Variants in STEAP1B observed in about 807,000 individuals in gnomAD.
STEAP1B encodes the protein STEAP family member 1B.
A neutral mutation model predicts 27.9 loss-of-function variants in STEAP1B; 13 were observed. The ratio of observed to expected loss-of-function variants is 0.47; its 90% CI spans 0.30 to 0.74. The LOEUF (loss-of-function observed/expected upper bound fraction) is 0.74, where lower values mean the gene tolerates loss of function less well. STEAP1B is among the 30% of genes least tolerant of loss of function. The pLI is 0.06. For missense variants in STEAP1B, 250 were observed against 298.7 expected (o/e 0.84, Z 1.20); for synonymous variants, 86 against 107.1 (o/e 0.80, Z 1.22).
chr7:22,483,388 T>A (rs987335438), intron 4 of STEAP1B, among the ~76,000 whole-genome samples: 8 of 152,218 alleles, frequency 5.3e-5, no homozygotes, highest in African/African-American at 1.9e-4. Flanking sequence ...AACGTGGAAG[T>A]TGCCTATGGG....
intron 4 of STEAP1B, among the ~76,000 whole-genome samples, chr7:22,421,224 T>C (rs889969316): frequency 6.6e-6 from 1 of 152,220 alleles, no homozygotes; most frequent in Non-Finnish European, 1.5e-5. Flanking sequence ...AGAACATTTA[T>C]TGTGCTTTTA....
intron 4 of STEAP1B, among the ~76,000 whole-genome samples, chr7:22,420,579 A>T (rs937783421): frequency 2.0e-5 from 3 of 152,236 alleles, no homozygotes; most frequent in Non-Finnish European, 4.4e-5. Flanking sequence ...AGAGCTGGTT[A>T]TTAAAACTTT....
In STEAP1B at chr7:22,459,031, A is replaced by T. The variant is rs1270377614; in HGVS notation, c.762+33534T>A. On this transcript the variant is annotated intron_variant, in intron 4 of 4. Transcript: ENST00000678116. ...AAATAGAACAAAAATAATAAAGAAG[A>T]GAAAACCTCCAGCAATTGACTTTGG... 2.6e-5 allele frequency among the ~76,000 whole-genome samples: 4 copies of T among 152,216 alleles called. No individual in the cohort carries two copies. The East Asian group carries it at 7.7e-4, about 29-fold the overall frequency.
In STEAP1B at chr7:22,479,034, T is replaced by C. The variant is rs377131284; in HGVS notation, c.762+13531A>G. Among the ~76,000 whole-genome samples the C allele has an allele frequency of 9.2e-5, 14 of 152,258 alleles. No homozygotes were observed. In the East Asian group the frequency reaches 2.1e-3, roughly 23 times the overall value. ...GAGGAGAAGGGCCGAGTGGGGTACCTAGGAGGCTGCCTGCCAAAGCACCCG... is the reference window on the plus strand; with the variant it reads ...GAGGAGAAGGGCCGAGTGGGGTACCCAGGAGGCTGCCTGCCAAAGCACCCG... On this transcript the variant is annotated intron_variant, in intron 4 of 4. Transcript: ENST00000678116.
intron 4 of STEAP1B, among the ~76,000 whole-genome samples, chr7:22,420,490 G>A (rs541384362): frequency 6.6e-6 from 1 of 152,326 alleles, no homozygotes; most frequent in South Asian, 2.1e-4. Flanking sequence ...AGTCACAGGG[G>A]TGGCTTGAAG....
chr7:22,459,560 C>T (rs368226981), intron 4 of STEAP1B, among the ~76,000 whole-genome samples: 6 of 152,184 alleles, frequency 3.9e-5, no homozygotes, highest in Non-Finnish European at 7.3e-5. Context: ...CAACAAAATA[C>T]GGCAAAAGTT....
intron 4 of STEAP1B, among the ~76,000 whole-genome samples, chr7:22,434,985 C>G (rs1160471283): frequency 6.6e-6 from 1 of 152,002 alleles, no homozygotes; most frequent in African/African-American, 2.4e-5. Context: ...CACATGTGGC[C>G]AGAAGTACTT....
chr7:22,440,818 T>C (rs1161015616), intron 4 of STEAP1B, among the ~76,000 whole-genome samples: 1 of 151,946 alleles, frequency 6.6e-6, no homozygotes, highest in Non-Finnish European at 1.5e-5. Flanking sequence ...ACATACTGCA[T>C]TACAGGTAGA....
At chr7:22,485,439 T>G (rs1313713299) in intron 4 of STEAP1B, among the ~76,000 whole-genome samples, 1 of 152,234 alleles carries the variant, frequency 6.6e-6, no homozygotes, top group Non-Finnish European at 1.5e-5. Flanking sequence ...ATGTACATTT[T>G]TTAGACATGA....
At chr7:22,465,694 A>G (rs1347246528) in intron 4 of STEAP1B, among the ~76,000 whole-genome samples, 1 of 152,206 alleles carries the variant, frequency 6.6e-6, no homozygotes, top group African/African-American at 2.4e-5. Context: ...GAGGAGATCC[A>G]GAGCCAGCAA....
chr7:22,464,015 A>T (rs1157822601), intron 4 of STEAP1B, among the ~76,000 whole-genome samples: 2 of 152,106 alleles, frequency 1.3e-5, no homozygotes, highest in Non-Finnish European at 2.9e-5. Context: ...CAGAGTGAAC[A>T]GGCAACCTAC....
intron 4 of STEAP1B, among the ~76,000 whole-genome samples, chr7:22,466,405 T>C (rs1785784492): frequency 1.6e-5 from 2 of 122,796 alleles, no homozygotes; most frequent in African/African-American, 6.2e-5. Flanking sequence ...CCACAGTATC[T>C]ACTGTTTTCT....
chr7:22,483,431 G>A (rs1271648801), intron 4 of STEAP1B, among the ~76,000 whole-genome samples: 1 of 152,180 alleles, frequency 6.6e-6, no homozygotes, highest in Admixed American at 6.5e-5. Flanking sequence ...TGGCCTTTCT[G>A]TCCCCAACAC....
chr7:22,454,336 A>T (rs550203110), intron 4 of STEAP1B, among the ~76,000 whole-genome samples: 2 of 152,258 alleles, frequency 1.3e-5, no homozygotes, highest in South Asian at 4.2e-4. Flanking sequence ...TGGAGAGTGC[A>T]TAGCCATTGT....
At chr7:22,468,485 C>A (rs543779113) in intron 4 of STEAP1B, among the ~76,000 whole-genome samples, 1 of 152,240 alleles carries the variant, frequency 6.6e-6, no homozygotes, top group South Asian at 2.1e-4. Flanking sequence ...AATCATTTGG[C>A]AGCTTTTTAA....
Position 22,419,667 on chromosome 7 carries a change from C to A in STEAP1B, c.*137G>T. ...ATCTGCCCTGCCGGATCCATGTTGA[C>A]AGAGCAGCCGTCACCTGCAGCATGG... is the stretch of plus-strand genomic sequence containing the variant. On this transcript the variant is annotated 3_prime_UTR_variant, in exon 5 of 5. Coordinates refer to ENST00000678116, the MANE Select transcript of STEAP1B (RefSeq NM_001382447.1). The A allele has an allele frequency of 1.0e-6, 1 of 978,572 alleles. No homozygotes were observed. Among genetic ancestry groups the A allele is most frequent in the Non-Finnish European group, 1.4e-6 (1 of 694,044 alleles). The allele number at this position is 978,572 out of a possible 1,614,324, so 60.6% of individuals were successfully genotyped here. A position where few individuals can be genotyped will look rare whatever the true frequency, so the allele number is the denominator to read the frequency against.
At chr7:22,473,124 T>G (rs1047965425) in intron 4 of STEAP1B, among the ~76,000 whole-genome samples, 2 of 152,090 alleles carry the variant, frequency 1.3e-5, no homozygotes, top group African/African-American at 2.4e-5. Context: ...ACGTGATGCA[T>G]TACCGCACTG....
chr7:22,453,290 C>G (rs1053447244), intron 4 of STEAP1B, among the ~76,000 whole-genome samples: 6 of 152,202 alleles, frequency 3.9e-5, no homozygotes, highest in African/African-American at 1.4e-4. Flanking sequence ...AGTACACTGG[C>G]TTAGGGTAGA....
chr7:22,434,036 C>T (rs1245666224), intron 4 of STEAP1B, among the ~76,000 whole-genome samples: 1 of 152,226 alleles, frequency 6.6e-6, no homozygotes, highest in African/African-American at 2.4e-5. Context: ...CACCTCACAA[C>T]AGCTGTTCTA....
Sources: allele counts gnomAD v4.1 joint callset (sites outside exome capture counted in the v4.1 genomes callset), GRCh38; gene constraint gnomAD v4.1.1; transcripts MANE v1.5; gene names NCBI Gene and HGNC (gene_info 2026-07-23, HGNC 2026-07-21).